NKAIN2: variants seen among roughly 807,000 people sequenced by gnomAD.
NKAIN2 encodes sodium/potassium-transporting ATPase subunit beta-1-interacting protein 2.
Under a neutral mutation model 32.6 loss-of-function variants are expected in NKAIN2, and 14 were observed. The observed-to-expected ratio is 0.43, with a 90% CI of 0.28 to 0.67. The LOEUF (loss-of-function observed/expected upper bound fraction) is 0.67. Ranked by LOEUF, NKAIN2 falls within the 30% of genes least tolerant of loss-of-function variation. The pLI, the probability that NKAIN2 is intolerant of heterozygous loss-of-function variation, is 0.17. For synonymous variants in NKAIN2, 80 were observed against 87.2 expected, an observed-to-expected ratio of 0.92 and a Z score of 0.46; for missense variants, 198 against 258.3, an observed-to-expected ratio of 0.77 and a Z score of 1.60.
chr6:123,897,947 A>G (rs541360907), intron 1 of NKAIN2, among the ~76,000 whole-genome samples: 11 of 152,308 alleles, frequency 7.2e-5, no homozygotes, highest in African/African-American at 9.6e-5. Context: ...GAAAGTTTGC[A>G]TGTCCCATTG....
chr6:124,241,669 T>G (rs979791111), intron 1 of NKAIN2, among the ~76,000 whole-genome samples: 1 of 152,170 alleles, frequency 6.6e-6, no homozygotes, highest in African/African-American at 2.4e-5. Flanking sequence ...TAAATGGTGT[T>G]GGGAAAACTG....
At chr6:124,035,907 A>G (rs892713038) in intron 1 of NKAIN2, among the ~76,000 whole-genome samples, 1 of 152,144 alleles carries the variant, frequency 6.6e-6, no homozygotes, top group African/African-American at 2.4e-5. Context: ...GTGTCCCAAG[A>G]ACCTCACCAG....
chr6:124,199,103 G>T (rs1790477682), intron 1 of NKAIN2, among the ~76,000 whole-genome samples: 1 of 152,080 alleles, frequency 6.6e-6, no homozygotes, highest in Non-Finnish European at 1.5e-5. Context: ...GCTATTTTTA[G>T]ATTTACTTTG....
chr6:124,552,670 C>A (rs929692340), intron 3 of NKAIN2, among the ~76,000 whole-genome samples: 1 of 152,178 alleles, frequency 6.6e-6, no homozygotes, highest in African/African-American at 2.4e-5. Flanking sequence ...AGGAAAAAAT[C>A]TTTTCAATGT....
chr6:124,793,182 TGTTAG>T (rs1779824716), intron 5 of NKAIN2, among the ~76,000 whole-genome samples: 1 of 152,052 alleles, frequency 6.6e-6, no homozygotes, highest in Non-Finnish European at 1.5e-5. Context: ...AAGAGGAGAC[TGTTAG>T]ATTACTGGGT....
intron 1 of NKAIN2, among the ~76,000 whole-genome samples, chr6:123,966,498 G>A (rs1338009503): frequency 6.6e-6 from 1 of 152,154 alleles, no homozygotes; most frequent in Non-Finnish European, 1.5e-5. Context: ...TAGCAGGGCA[G>A]GGGACTATCT....
intron 3 of NKAIN2, among the ~76,000 whole-genome samples, chr6:124,425,027 G>A (rs1232695854): frequency 6.6e-6 from 1 of 152,024 alleles, no homozygotes; most frequent in Non-Finnish European, 1.5e-5. Flanking sequence ...CCAGAGTAGA[G>A]AGCCCAGAAA....
At chr6:124,817,854 T>TA (rs1422480352) in intron 5 of NKAIN2, among the ~76,000 whole-genome samples, 3 of 152,230 alleles carry the variant, frequency 2.0e-5, no homozygotes, top group Non-Finnish European at 4.4e-5. Context: ...TTTAAGATGG[T>TA]AAACCACATT....
At chr6:124,456,964 T>A (rs962244838) in intron 3 of NKAIN2, among the ~76,000 whole-genome samples, 1 of 151,904 alleles carries the variant, frequency 6.6e-6, no homozygotes, top group East Asian at 1.9e-4. Context: ...GGGACTTTAC[T>A]TGGGTTCATA....
chr6:124,422,888 C>T (rs1774819700), intron 3 of NKAIN2, among the ~76,000 whole-genome samples: 1 of 152,080 alleles, frequency 6.6e-6, no homozygotes, highest in African/African-American at 2.4e-5. Context: ...CGATGAGTTC[C>T]TCAGGATCTT....
chr6:124,104,117 G>GAA (rs1785011803), intron 1 of NKAIN2, among the ~76,000 whole-genome samples: 1 of 151,768 alleles, frequency 6.6e-6, no homozygotes. Flanking sequence ...AAAAACAGAA[G>GAA]AAAAAATTCT....
At chr6:123,900,723 G>A (rs946569658) in intron 1 of NKAIN2, among the ~76,000 whole-genome samples, 25 of 151,698 alleles carry the variant, frequency 1.6e-4, no homozygotes, top group Admixed American at 9.9e-4. Flanking sequence ...GACTTTAAAA[G>A]CTTTTGGCTT....
At chr6:123,909,655 A>C (rs1775068374) in intron 1 of NKAIN2, among the ~76,000 whole-genome samples, 1 of 152,068 alleles carries the variant, frequency 6.6e-6, no homozygotes. Context: ...ATCAATAGTC[A>C]CTTCAAACAT....
At chr6:123,807,035 A>G (rs1376517407) in intron 1 of NKAIN2, among the ~76,000 whole-genome samples, 1 of 152,058 alleles carries the variant, frequency 6.6e-6, no homozygotes, top group Non-Finnish European at 1.5e-5. Context: ...TTAACAATTG[A>G]GGGACAGAGG....
intron 1 of NKAIN2, among the ~76,000 whole-genome samples, chr6:123,959,193 C>A (rs1192606988): frequency 6.6e-6 from 1 of 152,156 alleles, no homozygotes; most frequent in African/African-American, 2.4e-5. Flanking sequence ...AGCATTCTCC[C>A]TTTGGAACCA....
intron 6 of NKAIN2, among the ~76,000 whole-genome samples, chr6:124,821,926 A>G (rs1781411169): frequency 6.6e-6 from 1 of 152,210 alleles, no homozygotes. Context: ...TGGTGCAGCC[A>G]TGATTATCAA....
At chr6:124,219,439 G>A (rs1354195950) in intron 1 of NKAIN2, among the ~76,000 whole-genome samples, 1 of 151,528 alleles carries the variant, frequency 6.6e-6, no homozygotes, top group African/African-American at 2.4e-5. Flanking sequence ...CACCACATCC[G>A]ACTAATTTTT....
chr6:123,863,100 C>A (rs980877704), intron 1 of NKAIN2, among the ~76,000 whole-genome samples: 1 of 152,168 alleles, frequency 6.6e-6, no homozygotes, highest in Non-Finnish European at 1.5e-5. Context: ...TCTCTCTTGC[C>A]AACTGGCCTC....
chr6:124,318,997 G>A (rs1797069358), intron 2 of NKAIN2, among the ~76,000 whole-genome samples: 2 of 151,728 alleles, frequency 1.3e-5, no homozygotes, highest in African/African-American at 2.4e-5. Flanking sequence ...AGAATGCTTT[G>A]CTTCTTTACT....
Sources: gnomAD v4.1 joint callset for allele counts (sites outside exome capture counted in the v4.1 genomes callset) on GRCh38, gnomAD v4.1.1 for gene constraint, MANE v1.5 for transcripts, NCBI Gene and HGNC (gene_info 2026-07-23, HGNC 2026-07-21) for gene names.